Variants in TRIP12 observed in about 807,000 individuals in gnomAD.
The protein encoded by TRIP12 is thyroid hormone receptor interactor 12.
TRIP12 carries 25 observed loss-of-function variants against 244.2 expected under a neutral mutation model. That is an observed-to-expected ratio of 0.10 (90% CI 0.07 to 0.14). The LOEUF (loss-of-function observed/expected upper bound fraction) is 0.14, where lower values mean the gene tolerates loss of function less well. Among genes scored for constraint, TRIP12 ranks in the 10% least tolerant of loss-of-function variants. The pLI is 1.00. For synonymous variants in TRIP12, 905 were observed against 873.1 expected (o/e 1.04, Z -0.64); for missense variants, 1,677 against 2,486.4 (o/e 0.67, Z 6.92).
intron 4 of TRIP12, among the ~76,000 whole-genome samples, chr2:229,858,371 T>C (rs1407964592): frequency 6.6e-6 from 1 of 152,094 alleles, no homozygotes. Flanking sequence ...TAAAAAAACA[T>C]ATATATATTT....
chr2:229,788,375 T>A (rs537249597), intron 32 of TRIP12, among the ~76,000 whole-genome samples: 36 of 152,234 alleles, frequency 2.4e-4, no homozygotes, highest in Middle Eastern at 6.8e-3. Flanking sequence ...GAAAAAACTG[T>A]CTTCCATGAA....
intron 32 of TRIP12, among the ~76,000 whole-genome samples, chr2:229,788,525 AT>A (rs1322310336): frequency 6.6e-6 from 1 of 152,228 alleles, no homozygotes; most frequent in Admixed American, 6.5e-5. Context: ...TTGGAATCCA[AT>A]TCCATGACAG....
intron 2 of TRIP12, among the ~76,000 whole-genome samples, chr2:229,869,531 C>T (rs1261247125): frequency 6.6e-6 from 1 of 152,290 alleles, no homozygotes; most frequent in South Asian, 2.1e-4. Context: ...ACTCTAGTAA[C>T]AACCTGTATC....
chr2:229,916,665 A>G (rs2075448120), intron 1 of TRIP12, among the ~76,000 whole-genome samples: 1 of 152,194 alleles, frequency 6.6e-6, no homozygotes, highest in Admixed American at 6.5e-5. Context: ...TCTTCTATCC[A>G]ATTCAGTTTA....
chr2:229,843,773 C>T (rs2057012891), intron 4 of TRIP12, among the ~76,000 whole-genome samples: 1 of 152,080 alleles, frequency 6.6e-6, no homozygotes, highest in Admixed American at 6.6e-5. Context: ...TGTCTATAGT[C>T]CCAGCTACTT....
In TRIP12 at chr2:229,829,218, G is replaced by T. The variant is rs779827585; in HGVS notation, c.1425C>A (p.Phe475Leu). The T allele has an allele frequency of 6.2e-7, 1 of 1,613,778 alleles. No homozygotes were observed. The highest frequency in any genetic ancestry group is 1.3e-5 in the African/African-American group (1 of 74,934). Residue 475 changes from phenylalanine (F) to leucine (L), a missense_variant, in exon 8 of 42, where the codon TTC becomes TTA. Transcript: ENST00000675903. ...TAGCTCCACTTCCAATTGTTCTATG[G>T]AAAAGCTGTGACATCCGAGGACCAA... ...GPLGPRMSQL[F>L]HRTIGSGASS...
At chr2:229,886,889 G>A (rs1031382135) in intron 1 of TRIP12, among the ~76,000 whole-genome samples, 3 of 152,148 alleles carry the variant, frequency 2.0e-5, no homozygotes, top group African/African-American at 7.2e-5. Context: ...GCATGTACCA[G>A]GCAATGTGCT....
intron 15 of TRIP12, among the ~76,000 whole-genome samples, chr2:229,809,394 A>G (rs564181321): frequency 1.2e-4 from 18 of 152,220 alleles, no homozygotes; most frequent in Admixed American, 8.5e-4. Flanking sequence ...ACAGTAAACA[A>G]CTATGGTGAC....
intron 2 of TRIP12, among the ~76,000 whole-genome samples, 175 bp downstream of exon 2, chr2:229,879,807 G>C (rs1174720933): frequency 6.6e-6 from 1 of 152,142 alleles, no homozygotes; most frequent in Non-Finnish European, 1.5e-5. Context: ...AGCATATCTG[G>C]GGAAAAATTT....
At chr2:229,849,519 T>C (rs1456371480) in intron 4 of TRIP12, among the ~76,000 whole-genome samples, 1 of 151,884 alleles carries the variant, frequency 6.6e-6, no homozygotes, top group East Asian at 1.9e-4. Flanking sequence ...AACTTCAAAA[T>C]AATCAGCCAC....
rs61733503 is a variant in TRIP12, at chr2:229,818,484, T to A, written c.1479A>T (p.Gly493=). The A allele has an allele frequency of 3.2e-4, 509 of 1,614,132 alleles. No individual in the cohort carries two copies. The African/African-American group carries it at 6.0e-3, about 19-fold the overall frequency. The change falls in exon 9 of 42, where the codon GGA becomes GGT. Residue 493 remains glycine (G), a synonymous_variant. Transcript: ENST00000675903. Reference sequence around the variant, plus strand: ...GTTGACTTTCATCACTGGCTTGCAATCCTTGTAGTAGCTGCTGGGCCTTAG... The same window carrying A: ...GTTGACTTTCATCACTGGCTTGCAAACCTTGTAGTAGCTGCTGGGCCTTAG... ...ASSKAQQLLQ[G]LQASDESQQL... is the part of the protein sequence containing the mutation.
At chr2:229,797,947 T>A in intron 23 of TRIP12, 116 bp from the exon 24 acceptor site, 2 of 1,068,224 alleles carry the variant, frequency 1.9e-6, no homozygotes. Flanking sequence ...GCTTACAGTT[T>A]AAAAACTCCA....
At chr2:229,875,704 C>T (rs1486150991) in intron 2 of TRIP12, among the ~76,000 whole-genome samples, 1 of 152,192 alleles carries the variant, frequency 6.6e-6, no homozygotes, top group Non-Finnish European at 1.5e-5. Context: ...TAAAACACTC[C>T]ATTAATGCTG....
chr2:229,866,318 T>C (rs1035760985), intron 2 of TRIP12, among the ~76,000 whole-genome samples: 3 of 152,236 alleles, frequency 2.0e-5, no homozygotes, highest in African/African-American at 7.2e-5. Flanking sequence ...ATGCTGCTTA[T>C]GGCATTTAAG....
rs201680858 is a variant in TRIP12, at chr2:229,818,460, T to A, written c.1503A>T (p.Gln501His). 12 of 1,614,182 alleles carry A rather than the reference T, an allele frequency of 7.4e-6. No individual in the cohort carries two copies. Among genetic ancestry groups the A allele is most frequent in the Non-Finnish European group, 1.0e-5 (12 of 1,180,006 alleles). Residue 501 changes from glutamine to histidine, a missense_variant, in exon 9 of 42, where the codon CAA (glutamine) becomes CAT (histidine). Coordinates refer to ENST00000675903, the MANE Select transcript of TRIP12 (RefSeq NM_001348323.3). ...ACATCTCAATAACTGCCTGAAGCTG[T>A]TGACTTTCATCACTGGCTTGCAATC... ...LQGLQASDES[Q>H]QLQAVIEMCQ...
At chr2:229,814,350 T>G (rs1292729801) in intron 11 of TRIP12, 25 bp from the exon 12 acceptor site, 1 of 1,601,062 alleles carries the variant, frequency 6.2e-7, no homozygotes, top group African/African-American at 1.3e-5. Flanking sequence ...ATAGTTACCA[T>G]AAGGTTATCA....
At chr2:229,768,029 C>T (rs1259348102) in intron 41 of TRIP12, among the ~76,000 whole-genome samples, 1 of 150,262 alleles carries the variant, frequency 6.7e-6, no homozygotes, top group Non-Finnish European at 1.5e-5. Flanking sequence ...TCTGGGAGGC[C>T]GAGGTGAGCC....
rs780056628 is a variant in TRIP12 at position 229,792,260 on chromosome 2, G to A, written c.4142-34C>T. ...CCAAGTAGACTTTTAAACTCTTAGC[G>A]ATTTTAGGTGTAAAAAAAAAAAAAT... On this transcript the variant is annotated intron_variant, in intron 27 of 41. Coordinates refer to ENST00000675903, the MANE Select transcript of TRIP12 (RefSeq NM_001348323.3). 3.8e-5 allele frequency: 60 copies of A among 1,588,766 alleles called. 1 individual carries two copies. Among genetic ancestry groups the A allele is most frequent in the Admixed American group, 5.4e-5 (3 of 55,410 alleles).
chr2:229,802,836 G>T lies in TRIP12; in HGVS notation c.2999-377C>A, dbSNP rs111415431. 3.0e-4 allele frequency among the ~76,000 whole-genome samples: 46 copies of T among 152,068 alleles called. 1 individual carries two copies. Among genetic ancestry groups the T allele is most frequent in the African/African-American group, 1.0e-3 (42 of 41,504 alleles). ...AGCCAGAAGGGATGGAAAAGACCAAGAATCAGTTAACTTCAAGCGCTACAA... is the reference window on the plus strand; with the variant it reads ...AGCCAGAAGGGATGGAAAAGACCAATAATCAGTTAACTTCAAGCGCTACAA... On this transcript the variant is annotated intron_variant, in intron 20 of 41. Coordinates refer to ENST00000675903, the MANE Select transcript of TRIP12 (RefSeq NM_001348323.3).
Sources: allele counts gnomAD v4.1 joint callset (sites outside exome capture counted in the v4.1 genomes callset), GRCh38; gene constraint gnomAD v4.1.1; transcripts MANE v1.5; gene names NCBI Gene and HGNC (gene_info 2026-07-23, HGNC 2026-07-21).